The following C12orf42 variants were observed in gnomAD, a reference collection of about 807,000 sequenced individuals.
C12orf42 encodes the protein chromosome 12 open reading frame 42.
In C12orf42, 25 loss-of-function variants were observed where a neutral mutation model predicts 21.6. That is an observed-to-expected ratio of 1.16 (90% CI 0.84 to 1.62). The LOEUF (loss-of-function observed/expected upper bound fraction) is 1.62, where lower values mean the gene tolerates loss of function less well. C12orf42 is among the 40% of genes most tolerant of loss of function. The probability of loss-of-function intolerance (pLI) is 0.00; values close to 1 mark genes in which losing one functional copy is unlikely to be tolerated. For synonymous variants in C12orf42, 174 were observed against 175.0 expected, an observed-to-expected ratio of 0.99 and a Z score of 0.05; for missense variants, 483 against 459.3, an observed-to-expected ratio of 1.05 and a Z score of -0.47.
the C12orf42 span, among the ~76,000 whole-genome samples, chr12:103,142,306 A>G: frequency 6.6e-6 from 1 of 152,226 alleles, no homozygotes; most frequent in African/African-American, 2.4e-5. Context: ...TCTCTCTGAG[A>G]TGAACAACAC....
chr12:103,164,858 C>T, the C12orf42 span: 1 of 371,744 alleles, frequency 2.7e-6, no homozygotes, highest in South Asian at 2.1e-5. Context: ...AGTATACTCA[C>T]AAATGTGGAG....
chr12:103,500,623 TCAGATGAGAA>T (rs1955695087), upstream of C12orf42, among the ~76,000 whole-genome samples: 1 of 152,190 alleles, frequency 6.6e-6, no homozygotes, highest in Admixed American at 6.5e-5. Flanking sequence ...TAAATATTAA[TCAGATGAGAA>T]TCAGTGTCAC....
chr12:103,478,296 C>A, intron 2 of C12orf42, 53 bp downstream of exon 2: 2 of 1,186,318 alleles, frequency 1.7e-6, no homozygotes, highest in East Asian at 2.5e-5. Flanking sequence ...TGAAATGGAG[C>A]AAACCTATTA....
the C12orf42 span, among the ~76,000 whole-genome samples, chr12:103,510,372 G>A: frequency 4.6e-5 from 7 of 152,156 alleles, no homozygotes; most frequent in African/African-American, 1.4e-4. Flanking sequence ...GTGTGGGAAG[G>A]AGTGAGGGAT....
chr12:103,131,654 C>T, the C12orf42 span, among the ~76,000 whole-genome samples: 3 of 152,168 alleles, frequency 2.0e-5, no homozygotes, highest in Non-Finnish European at 4.4e-5. Flanking sequence ...AAGAAAGACT[C>T]CCCTCTGAAT....
chr12:103,256,133 C>T (rs1456118694), intron 10 of C12orf42, among the ~76,000 whole-genome samples: 2 of 106,662 alleles, frequency 1.9e-5, no homozygotes, highest in African/African-American at 7.1e-5. Flanking sequence ...CACACACACA[C>T]ACACACACAC....
chr12:103,159,003 A>G, the C12orf42 span, among the ~76,000 whole-genome samples: 2 of 76,038 alleles, frequency 2.6e-5, no homozygotes, highest in African/African-American at 1.1e-4. Flanking sequence ...TGTTAAGAGA[A>G]AAAAAAATTT....
At chr12:103,409,862 G>A (rs2048701037) in intron 2 of C12orf42, among the ~76,000 whole-genome samples, 2 of 152,002 alleles carry the variant, frequency 1.3e-5, no homozygotes, top group South Asian at 4.2e-4. Flanking sequence ...ATCTTATATT[G>A]AGCACAATAC....
chr12:103,070,715 T>C, the C12orf42 span, among the ~76,000 whole-genome samples: 2 of 152,124 alleles, frequency 1.3e-5, no homozygotes, highest in African/African-American at 4.8e-5. Context: ...GAAGAGAAGA[T>C]GTCTTATTCT....
chr12:103,532,811 G>A, the C12orf42 span, among the ~76,000 whole-genome samples: 2 of 152,134 alleles, frequency 1.3e-5, no homozygotes, highest in Non-Finnish European at 2.9e-5. Flanking sequence ...GAGGATGACC[G>A]CCGTAACCAT....
intron 4 of C12orf42, among the ~76,000 whole-genome samples, chr12:103,328,363 C>T (rs983371782): frequency 2.0e-5 from 3 of 151,272 alleles, no homozygotes; most frequent in African/African-American, 4.9e-5. Context: ...AACTGAGAGT[C>T]GGGAGGAGGG....
chr12:103,068,361 G>A, the C12orf42 span, among the ~76,000 whole-genome samples: 1 of 152,098 alleles, frequency 6.6e-6, no homozygotes, highest in East Asian at 1.9e-4. Context: ...GGTGCATCTG[G>A]TTGTACAAAG....
chr12:103,129,605 C>A, the C12orf42 span, among the ~76,000 whole-genome samples: 2 of 152,134 alleles, frequency 1.3e-5, no homozygotes, highest in Non-Finnish European at 2.9e-5. Context: ...TAACTTCACT[C>A]AAAATTCAAA....
intron 2 of C12orf42, among the ~76,000 whole-genome samples, chr12:103,414,728 T>G (rs2049153234): frequency 1.3e-5 from 2 of 152,200 alleles, no homozygotes; most frequent in Admixed American, 1.3e-4. Context: ...TACTACTGAT[T>G]TTTATACATT....
At chr12:103,266,571 T>C (rs1350025316), downstream of C12orf42, among the ~76,000 whole-genome samples, 1 of 152,072 alleles carries the variant, frequency 6.6e-6, no homozygotes, top group African/African-American at 2.4e-5. Flanking sequence ...TTGGTCGAGG[T>C]AGGCATGTGT....
the C12orf42 span, among the ~76,000 whole-genome samples, chr12:103,065,765 GC>G: frequency 3.3e-5 from 5 of 152,194 alleles, no homozygotes; most frequent in Non-Finnish European, 7.3e-5. Context: ...GCTGCATTTG[GC>G]CCCTCCTACA....
chr12:103,183,350 G>C, the C12orf42 span, among the ~76,000 whole-genome samples: 1 of 152,242 alleles, frequency 6.6e-6, no homozygotes, highest in African/African-American at 2.4e-5. Context: ...AAAGTGCTGG[G>C]ATTACAGGCG....
chr12:103,301,965 ATTAT>A lies in C12orf42; in HGVS notation c.*139_*142del, dbSNP rs1334269522. 3 of 963,266 alleles carry A rather than the reference ATTAT, an allele frequency of 3.1e-6. No individual in the cohort carries two copies. Among genetic ancestry groups the A allele is most frequent in the Non-Finnish European group, 1.5e-6 (1 of 655,948 alleles). The allele number at this position is 963,266 out of a possible 1,614,324, so 59.7% of individuals were successfully genotyped here. On this transcript the variant is annotated 3_prime_UTR_variant, in exon 6 of 6. Transcript: ENST00000548883. ...TTTGGCTGCGCTAGGGACTTTTGAC[ATTAT>A]TTATTAGGTTCAAAAATGCTTCACA...
chr12:103,246,214 G>T (rs1455811759), intron 10 of C12orf42, among the ~76,000 whole-genome samples: 1 of 152,020 alleles, frequency 6.6e-6, no homozygotes, highest in East Asian at 1.9e-4. Flanking sequence ...AGCCCTCCAT[G>T]TAACTCCAAG....
Sources: gnomAD v4.1 joint callset for allele counts (sites outside exome capture counted in the v4.1 genomes callset) on GRCh38, gnomAD v4.1.1 for gene constraint, MANE v1.5 for transcripts, NCBI Gene and HGNC (gene_info 2026-07-23, HGNC 2026-07-21) for gene names.